Variants in CDK5RAP2 observed in about 807,000 individuals in gnomAD.
CDK5RAP2 encodes CDK5 regulatory subunit-associated protein 2.
Under a neutral mutation model 232.9 loss-of-function variants are expected in CDK5RAP2, and 147 were observed. The ratio of observed to expected loss-of-function variants is 0.63; its 90% CI spans 0.55 to 0.72. The LOEUF (loss-of-function observed/expected upper bound fraction) is 0.72. Ranked by LOEUF, CDK5RAP2 falls within the 30% of genes least tolerant of loss-of-function variation. The pLI, the probability that CDK5RAP2 is intolerant of heterozygous loss-of-function variation, is 0.00. For missense variants in CDK5RAP2, 2,195 were observed against 2,231.5 expected (o/e 0.98, Z 0.33); for synonymous variants, 833 against 833.7 (o/e 1.00, Z 0.01).
At chr9:120,450,912 G>C (rs1215462682) in intron 21 of CDK5RAP2, among the ~76,000 whole-genome samples, 1 of 152,218 alleles carries the variant, frequency 6.6e-6, no homozygotes, top group Non-Finnish European at 1.5e-5. Flanking sequence ...CAGGTAAGAG[G>C]AGAGAGCAGG....
intron 12 of CDK5RAP2, among the ~76,000 whole-genome samples, chr9:120,499,199 A>G (rs542029306): frequency 9.8e-5 from 15 of 152,352 alleles, no homozygotes; most frequent in African/African-American, 3.6e-4. Context: ...AAATACTGAT[A>G]AAGTAGTATG....
chr9:120,402,192 C>T lies in CDK5RAP2; in HGVS notation c.5307+614G>A, dbSNP rs563138054. 2.0e-5 allele frequency among the ~76,000 whole-genome samples: 3 copies of T among 151,954 alleles called. 1 individual carries two copies. In the South Asian group the frequency reaches 6.2e-4, roughly 32 times the overall value. On this transcript the variant is annotated intron_variant, in intron 34 of 37. Coordinates refer to ENST00000349780, the MANE Select transcript of CDK5RAP2 (RefSeq NM_018249.6). ...CCTGTGGTCACAGCTACTTGGGAGG[C>T]TGAGGCAGGAGGATTGCTTGAGCCT...
intron 6 of CDK5RAP2, 173 bp from the exon 7 acceptor site, chr9:120,536,699 T>C (rs2041407235): frequency 1.4e-6 from 1 of 725,418 alleles, no homozygotes; most frequent in African/African-American, 1.7e-5. Context: ...CCAGCCATTT[T>C]TCCCTCTTGT....
intron 25 of CDK5RAP2, among the ~76,000 whole-genome samples, chr9:120,429,325 G>C (rs1322444123): frequency 6.6e-6 from 1 of 151,934 alleles, no homozygotes; most frequent in Non-Finnish European, 1.5e-5. Flanking sequence ...AATTGTCCCT[G>C]TTTGCAGATG....
At chr9:120,449,153 G>T (rs977490149) in intron 21 of CDK5RAP2, among the ~76,000 whole-genome samples, 1 of 152,126 alleles carries the variant, frequency 6.6e-6, no homozygotes, top group African/African-American at 2.4e-5. Context: ...CAATGACCTT[G>T]GTTCCTCAAA....
Position 120,462,833 on chromosome 9 carries a change from C to T in CDK5RAP2, c.2107-2166G>A, listed in dbSNP as rs554327868. 2.6e-5 allele frequency among the ~76,000 whole-genome samples: 4 copies of T among 152,276 alleles called. No individual in the cohort carries two copies. The East Asian group carries it at 5.8e-4, about 22-fold the overall frequency. Reference sequence around the variant, plus strand: ...ACTTGTAAAACTTAGTGAACGCAGGCTTACAATTTCTATAGTTCATTTGAC... The same window carrying T: ...ACTTGTAAAACTTAGTGAACGCAGGTTTACAATTTCTATAGTTCATTTGAC... On this transcript the variant is annotated intron_variant, in intron 18 of 37. Coordinates refer to ENST00000349780, the MANE Select transcript of CDK5RAP2 (RefSeq NM_018249.6).
At chr9:120,404,481 T>C (rs1028735295) in intron 32 of CDK5RAP2, among the ~76,000 whole-genome samples, 3 of 152,200 alleles carry the variant, frequency 2.0e-5, no homozygotes, top group African/African-American at 7.2e-5. Context: ...TTAAGACTGA[T>C]TGTGACTGAC....
chr9:120,491,578 G>A lies in CDK5RAP2; in HGVS notation c.1312-101C>T, dbSNP rs1472334590. On this transcript the variant is annotated intron_variant, in intron 12 of 37. Coordinates refer to ENST00000349780, the MANE Select transcript of CDK5RAP2 (RefSeq NM_018249.6). ...ACTGCTACAAGAGAGCAAGATAATA[G>A]ATGTATTTAAGGGAGTATACAAGTG... The A allele has an allele frequency of 6.3e-6, 5 of 797,848 alleles. No homozygotes were observed. In the East Asian group the frequency reaches 1.3e-4, roughly 21 times the overall value. The allele number at this position is 797,848 out of a possible 1,614,324, so 49.4% of individuals were successfully genotyped here. A position where few individuals can be genotyped will look rare whatever the true frequency, so the allele number is the denominator to read the frequency against.
intron 12 of CDK5RAP2, among the ~76,000 whole-genome samples, chr9:120,509,546 C>T (rs2039982223): frequency 6.6e-6 from 1 of 152,174 alleles, no homozygotes; most frequent in Non-Finnish European, 1.5e-5. Flanking sequence ...AAGTTAAGCA[C>T]TTGTAAGTGA....
At chr9:120,449,233 C>T (rs2131380891) in intron 21 of CDK5RAP2, among the ~76,000 whole-genome samples, 1 of 152,204 alleles carries the variant, frequency 6.6e-6, no homozygotes, top group East Asian at 1.9e-4. Context: ...CTCCTTCCTA[C>T]TTCCCCGACT....
intron 3 of CDK5RAP2, among the ~76,000 whole-genome samples, chr9:120,551,546 G>A (rs2042041696): frequency 6.6e-6 from 1 of 152,174 alleles, no homozygotes; most frequent in African/African-American, 2.4e-5. Context: ...AAGTGCTTCT[G>A]TCTATAACCT....
In CDK5RAP2 at chr9:120,403,370, G is replaced by T. The variant is rs952764892; in HGVS notation, c.5042-299C>A. The T allele has an allele frequency of 9.5e-5, 41 of 431,258 alleles. No homozygotes were observed. Among genetic ancestry groups the T allele is most frequent in the African/African-American group, 7.4e-4 (37 of 49,758 alleles). The allele number at this position is 431,258 out of a possible 1,614,324, so 26.7% of individuals were successfully genotyped here. A position where few individuals can be genotyped will look rare whatever the true frequency, so the allele number is the denominator to read the frequency against. On this transcript the variant is annotated intron_variant, in intron 33 of 37. Coordinates refer to ENST00000349780, the MANE Select transcript of CDK5RAP2 (RefSeq NM_018249.6). The surrounding 1 kb of genome is among the most constrained non-coding windows in gnomAD (Gnocchi z 4.2). Reference sequence around the variant, plus strand: ...GACTCAAGCTGGTGCCTGCATTCCAGTAGCCCACAGTCTGATCAGAACACA... The same window carrying T: ...GACTCAAGCTGGTGCCTGCATTCCATTAGCCCACAGTCTGATCAGAACACA...
At chr9:120,579,821 A>T in intron 1 of CDK5RAP2, 99 bp downstream of exon 1, 1 of 953,094 alleles carries the variant, frequency 1.0e-6, no homozygotes, top group Non-Finnish European at 1.7e-6. Context: ...GCCCCTGGCC[A>T]GACACCCTCA....
In CDK5RAP2 at chr9:120,470,233, GA is replaced by G. The variant is rs747385902; in HGVS notation, c.1859-14del. 2,523 of 1,013,364 alleles carry G rather than the reference GA, an allele frequency of 2.5e-3. No homozygotes were observed. Among genetic ancestry groups the G allele is most frequent in the Admixed American group, 3.0e-3 (99 of 32,648 alleles). The allele number at this position is 1,013,364 out of a possible 1,614,324, so 62.8% of individuals were successfully genotyped here. On this transcript the variant is annotated splice_polypyrimidine_tract_variant and intron_variant, in intron 16 of 37. Transcript: ENST00000349780. ...GAAAATGATTCTTCTGCCCAAAAAA[GA>G]AAAAAAAAAGGTGGGGAGGGGGAGG...
At chr9:120,530,241 A>G in intron 7 of CDK5RAP2, 101 bp from the exon 8 acceptor site, 2 of 797,442 alleles carry the variant, frequency 2.5e-6, no homozygotes, top group East Asian at 2.5e-5. Context: ...CAAAGTAGAC[A>G]TATACAATGG....
chr9:120,427,955 C>A (rs2131413278), intron 25 of CDK5RAP2, among the ~76,000 whole-genome samples: 1 of 152,294 alleles, frequency 6.6e-6, no homozygotes, highest in Middle Eastern at 3.4e-3. Flanking sequence ...AAGAAACTCA[C>A]TCAAAACCGC....
At chr9:120,535,075 G>C (rs1324848363) in intron 7 of CDK5RAP2, among the ~76,000 whole-genome samples, 1 of 152,210 alleles carries the variant, frequency 6.6e-6, no homozygotes, top group Non-Finnish European at 1.5e-5. Flanking sequence ...AAACTGAGAT[G>C]ATATATATTC....
At chr9:120,502,892 G>C (rs951296590) in intron 12 of CDK5RAP2, among the ~76,000 whole-genome samples, 12 of 152,140 alleles carry the variant, frequency 7.9e-5, no homozygotes, top group African/African-American at 2.9e-4. Flanking sequence ...CTGAGCACCA[G>C]CTATGAACCA....
intron 12 of CDK5RAP2, among the ~76,000 whole-genome samples, chr9:120,514,566 G>A (rs2040240324): frequency 6.6e-6 from 1 of 152,160 alleles, no homozygotes; most frequent in Non-Finnish European, 1.5e-5. Flanking sequence ...CAGCCACTTG[G>A]AACTGTAGTA....
Sources: gnomAD v4.1 joint callset for allele counts (sites outside exome capture counted in the v4.1 genomes callset) on GRCh38, gnomAD v4.1.1 for gene constraint, Gnocchi (gnomAD v3.1) non-coding constraint, MANE v1.5 for transcripts, NCBI Gene and HGNC (gene_info 2026-07-23, HGNC 2026-07-21) for gene names.